VPS8: variants seen among roughly 807,000 people sequenced by gnomAD.
VPS8 encodes VPS8 subunit of CORVET complex, also known as vacuolar protein sorting-associated protein 8 homolog.
A neutral mutation model predicts 216.4 loss-of-function variants in VPS8; 129 were observed. The ratio of observed to expected loss-of-function variants is 0.60; its 90% CI spans 0.52 to 0.69. The LOEUF is 0.69. VPS8 is among the 30% of genes least tolerant of loss of function. The pLI, the probability that VPS8 is intolerant of heterozygous loss-of-function variation, is 0.00. For synonymous variants in VPS8, 571 were observed against 565.4 expected (o/e 1.01, Z -0.14); for missense variants, 1,531 against 1,683.5 (o/e 0.91, Z 1.59).
chr3:184,953,975 C>G (rs756617955), intron 36 of VPS8, among the ~76,000 whole-genome samples: 2 of 152,140 alleles, frequency 1.3e-5, no homozygotes, highest in Admixed American at 6.6e-5. Flanking sequence ...CTTCAGGTGC[C>G]GAGCATAAGC....
chr3:184,944,693 A>G, intron 36 of VPS8: 1 of 626,070 alleles, frequency 1.6e-6, no homozygotes, highest in Non-Finnish European at 2.0e-6. Context: ...AACATATAGT[A>G]TGATTTTCCT....
intron 36 of VPS8, among the ~76,000 whole-genome samples, chr3:184,950,630 G>A (rs1036320755): frequency 3.3e-5 from 5 of 152,106 alleles, no homozygotes; most frequent in Admixed American, 6.5e-5. Context: ...GGTTACGTGT[G>A]CAGAATGTGC....
rs1739352137 is a variant in VPS8 at position 184,925,130 on chromosome 3, G to T, written c.2574+149G>T. On this transcript the variant is annotated intron_variant, in intron 30 of 47. Transcript: ENST00000625842. ...CAGGTTTTGGATCTAAGTTAGGGGGGTATGTGTATATGGGTGTATGGGTAT... is the reference window on the plus strand; with the variant it reads ...CAGGTTTTGGATCTAAGTTAGGGGGTTATGTGTATATGGGTGTATGGGTAT... 5 of 1,057,206 alleles carry T rather than the reference G, an allele frequency of 4.7e-6. No individual in the cohort carries two copies. In the South Asian group the frequency reaches 6.8e-5, roughly 14 times the overall value. The allele number at this position is 1,057,206 out of a possible 1,614,324, so 65.5% of individuals were successfully genotyped here. A position where few individuals can be genotyped will look rare whatever the true frequency, so the allele number is the denominator to read the frequency against.
At position 184,971,668 on chromosome 3, in the gene VPS8, A is replaced by T. The variant is rs367872184; in HGVS notation, c.3336A>T (p.Ser1112=). 1 of 1,612,740 alleles carries T rather than the reference A, an allele frequency of 6.2e-7. No homozygotes were observed. Among genetic ancestry groups the T allele is most frequent in the South Asian group, 1.1e-5 (1 of 90,828 alleles). The change falls in exon 40 of 48, where the codon TCA becomes TCT. Residue 1112 remains serine (S), a synonymous_variant. Transcript: ENST00000625842. ...HQGENTKEDP[S]LKDVEDTMVE... ...ATCTAGATACCAAAGAGGATCCCTC[A>T]TTGAAGGATGTTGAAGATACTATGG...
intron 42 of VPS8, among the ~76,000 whole-genome samples, chr3:184,989,144 C>T (rs982670794): frequency 6.6e-6 from 1 of 152,138 alleles, no homozygotes; most frequent in South Asian, 2.1e-4. Flanking sequence ...ACTTCCAGTA[C>T]AGTGTTGAAT....
chr3:184,999,971 G>C (rs1753179026), intron 45 of VPS8, 110 bp downstream of exon 45: 1 of 1,208,560 alleles, frequency 8.3e-7, no homozygotes, highest in Non-Finnish European at 1.1e-6. Flanking sequence ...TACCTGGTGG[G>C]TATTGGGTAC....
In VPS8 at chr3:184,894,625, G is replaced by A; in HGVS notation, c.1782-78G>A. ...GAGTAAGTTGAAGTAGGGAAAAGAT[G>A]AGATATATTTGGGAGACTAAATTTA... On this transcript the variant is annotated intron_variant, in intron 22 of 47. Transcript: ENST00000625842. The A allele has an allele frequency of 2.7e-6, 3 of 1,091,412 alleles. No homozygotes were observed. In the Admixed American group the frequency reaches 7.5e-5, roughly 27 times the overall value. The allele number at this position is 1,091,412 out of a possible 1,614,324, so 67.6% of individuals were successfully genotyped here.
rs1234073723 is a variant in VPS8 at position 184,955,190 on chromosome 3, C to T, written c.3036-2184C>T. Among the ~76,000 whole-genome samples, 56 of 152,176 alleles carry T rather than the reference C, an allele frequency of 3.7e-4. 2 individuals carry two copies. Among genetic ancestry groups the T allele is most frequent in the Admixed American group, 3.7e-3 (56 of 15,284 alleles). ...GCTGGATATTATCTAGGCCTGCCCG[C>T]AGTCATCTGGAGGCCTAAACCCCTC... On this transcript the variant is annotated intron_variant, in intron 36 of 47. Transcript: ENST00000625842.
chr3:184,945,527 T>G (rs1351231362), intron 36 of VPS8, among the ~76,000 whole-genome samples: 1 of 152,144 alleles, frequency 6.6e-6, no homozygotes, highest in Non-Finnish European at 1.5e-5. Context: ...CACTCTACCT[T>G]GTCACCACAC....
intron 38 of VPS8, 90 bp from the exon 39 acceptor site, chr3:184,966,581 G>GT: frequency 2.3e-6 from 2 of 859,488 alleles, no homozygotes; most frequent in Non-Finnish European, 3.5e-6. Flanking sequence ...GTTTTGAGGG[G>GT]TTTACCTTTA....
At chr3:185,027,894 T>C (rs547921105) in intron 46 of VPS8, among the ~76,000 whole-genome samples, 3 of 152,220 alleles carry the variant, frequency 2.0e-5, no homozygotes, top group Non-Finnish European at 2.9e-5. Flanking sequence ...TCCTGGTTTA[T>C]GCAAAACTTG....
intron 39 of VPS8, among the ~76,000 whole-genome samples, chr3:184,969,773 TAAG>T (rs1479753367): frequency 1.3e-5 from 2 of 151,526 alleles, no homozygotes; most frequent in Non-Finnish European, 2.9e-5. Flanking sequence ...AGAAAAAAAT[TAAG>T]AAGAGCATTC....
intron 47 of VPS8, 88 bp from the exon 48 acceptor site, chr3:185,051,786 GTC>G: frequency 7.1e-7 from 1 of 1,415,590 alleles, no homozygotes; most frequent in Non-Finnish European, 9.4e-7. Context: ...ACACAGCACT[GTC>G]TCTCATGTAT....
intron 15 of VPS8, among the ~76,000 whole-genome samples, chr3:184,860,405 G>GTATATATATGTATATATACA (rs1400566772): frequency 1.4e-5 from 2 of 146,990 alleles, no homozygotes; most frequent in African/African-American, 5.0e-5. Flanking sequence ...GTATGTATAC[G>GTATATATATGTATATATACA]TATATATGTA....
chr3:184,949,304 A>G (rs1302622282), intron 36 of VPS8, among the ~76,000 whole-genome samples: 1 of 152,160 alleles, frequency 6.6e-6, no homozygotes, highest in Admixed American at 6.5e-5. Context: ...CTTTAAAAAA[A>G]AAAAGATTTG....
intron 8 of VPS8, among the ~76,000 whole-genome samples, chr3:184,845,361 C>A (rs1722922597): frequency 6.6e-6 from 1 of 152,180 alleles, no homozygotes; most frequent in Non-Finnish European, 1.5e-5. Flanking sequence ...GAAACCTCTT[C>A]AATAAGACTG....
chr3:184,937,569 G>A (rs1741863660), intron 35 of VPS8, among the ~76,000 whole-genome samples: 1 of 152,204 alleles, frequency 6.6e-6, no homozygotes, highest in African/African-American at 2.4e-5. Flanking sequence ...AGCTACACTA[G>A]AGATATGTGA....
At chr3:184,913,637 C>A (rs1736981587) in intron 26 of VPS8, 76 bp downstream of exon 26, 1 of 1,216,270 alleles carries the variant, frequency 8.2e-7, no homozygotes. Context: ...ATACTATGAT[C>A]TCTTATCTAT....
chr3:184,984,247 T>G (rs552936359), intron 42 of VPS8, among the ~76,000 whole-genome samples: 1 of 148,218 alleles, frequency 6.7e-6, no homozygotes. Flanking sequence ...TAAAGATGAC[T>G]ACATCCTGTA....
Sources: gnomAD v4.1 joint callset for allele counts (sites outside exome capture counted in the v4.1 genomes callset) on GRCh38, gnomAD v4.1.1 for gene constraint, MANE v1.5 for transcripts, NCBI Gene and HGNC (gene_info 2026-07-23, HGNC 2026-07-21) for gene names.